The following EIF2B3 variants were observed in gnomAD, a reference collection of about 807,000 sequenced individuals.
EIF2B3 encodes the protein translation initiation factor eIF2B subunit gamma.
In EIF2B3, 20 loss-of-function variants were observed where a neutral mutation model predicts 54.1. That is an observed-to-expected ratio of 0.37 (90% CI 0.26 to 0.54). The LOEUF is 0.54. Among genes scored for constraint, EIF2B3 ranks in the 20% least tolerant of loss-of-function variants. The pLI, the probability that EIF2B3 is intolerant of heterozygous loss-of-function variation, is 0.86. For missense variants in EIF2B3, 448 were observed against 547.8 expected, an observed-to-expected ratio of 0.82 and a Z score of 1.82; for synonymous variants, 153 against 188.1, an observed-to-expected ratio of 0.81 and a Z score of 1.52.
chr1:44,860,444 C>G (rs1000321848), intron 10 of EIF2B3, among the ~76,000 whole-genome samples: 24 of 152,260 alleles, frequency 1.6e-4, no homozygotes, highest in African/African-American at 5.5e-4. Flanking sequence ...ATGTATTTAA[C>G]TAGAAGCAAA....
rs531896556 is a variant in EIF2B3 at position 44,979,463 on chromosome 1, C to T, written c.149-1003G>A. Among the ~76,000 whole-genome samples the T allele has an allele frequency of 4.8e-5, 7 of 145,200 alleles. No homozygotes were observed. The East Asian group carries it at 1.5e-3, about 31-fold the overall frequency. On this transcript the variant is annotated intron_variant, in intron 2 of 11. Transcript: ENST00000360403. The stretch of plus-strand genomic sequence containing the variant: ...ACCAGCCTGGGTAACGTGGCGAAAC[C>T]CTGTCTCTGCCAAAAAAAAAAAAAA...
intron 3 of EIF2B3, among the ~76,000 whole-genome samples, chr1:44,971,149 C>A (rs1390115553): frequency 6.6e-6 from 1 of 152,062 alleles, no homozygotes. Flanking sequence ...TTTGGGAGGC[C>A]GAGGCGGGCG....
intron 4 of EIF2B3, chr1:44,937,351 G>A (rs568145450): frequency 6.6e-6 from 1 of 152,120 alleles, no homozygotes; most frequent in African/African-American, 2.4e-5. Context: ...GCCAGGTGCT[G>A]GGAATAAAAT....
At chr1:44,926,773 A>C (rs769135301) in intron 4 of EIF2B3, 34 bp from the exon 5 acceptor site, 6 of 1,564,120 alleles carry the variant, frequency 3.8e-6, no homozygotes, top group African/African-American at 1.4e-5. Flanking sequence ...AAATCAAATA[A>C]AGCCATTTGC....
intron 3 of EIF2B3, among the ~76,000 whole-genome samples, chr1:44,971,260 G>A (rs1328803029): frequency 6.6e-6 from 1 of 151,828 alleles, no homozygotes; most frequent in Admixed American, 6.6e-5. Flanking sequence ...GCAGGCACCT[G>A]TAGTCCCAGC....
chr1:44,857,970 A>C (rs1249759304), intron 10 of EIF2B3, among the ~76,000 whole-genome samples, 163 bp from the exon 11 acceptor site: 13 of 152,094 alleles, frequency 8.5e-5, no homozygotes, highest in Non-Finnish European at 2.9e-5. Flanking sequence ...TGGTAAGCCA[A>C]GGGAGGACCT....
chr1:44,986,364 AC>A (rs1196640555), intron 1 of EIF2B3, 128 bp downstream of exon 1: 1 of 152,156 alleles, frequency 6.6e-6, no homozygotes, highest in African/African-American at 2.4e-5. Flanking sequence ...ACACAGCTAC[AC>A]CGGGTCGAGC....
At chr1:44,984,113 C>T (rs1012080280) in intron 1 of EIF2B3, among the ~76,000 whole-genome samples, 6 of 152,016 alleles carry the variant, frequency 3.9e-5, no homozygotes, top group African/African-American at 1.4e-4. Context: ...CGGGAGGCAG[C>T]AGCTGCAGTG....
At position 44,875,672 on chromosome 1, in the gene EIF2B3, G is replaced by C; in HGVS notation, c.999C>G (p.Leu333=). The C allele has an allele frequency of 6.2e-7, 1 of 1,614,206 alleles. No homozygotes were observed. Among genetic ancestry groups the C allele is most frequent in the South Asian group, 1.1e-5 (1 of 91,086 alleles). The change falls in exon 9 of 12, where the codon CTC becomes CTG. Residue 333 remains leucine (L), a synonymous_variant. Coordinates refer to ENST00000360403, the MANE Select transcript of EIF2B3 (RefSeq NM_020365.5). ...NRQVPKLLSA[L]CPEEPPVHSS... ...AATGGACTGGTGGTTCTTCTGGACAGAGAGCAGACAGCAATTTGGGCACCT... is the reference window on the plus strand; with the variant it reads ...AATGGACTGGTGGTTCTTCTGGACACAGAGCAGACAGCAATTTGGGCACCT...
chr1:44,880,023 C>T lies in EIF2B3; in HGVS notation c.785-15G>A, dbSNP rs1305724909. 4 of 1,613,482 alleles carry T rather than the reference C, an allele frequency of 2.5e-6. No homozygotes were observed. Among genetic ancestry groups the T allele is most frequent in the East Asian group, 2.2e-5 (1 of 44,878 alleles). ...ACTGTAGATATCTTCAGAACAAACA[C>T]CCAACCAAGGAAATAAATGAGAGAG... On this transcript the variant is annotated splice_polypyrimidine_tract_variant and intron_variant, in intron 7 of 11. Transcript: ENST00000360403.
chr1:44,891,424 G>A (rs1655794621), intron 6 of EIF2B3, among the ~76,000 whole-genome samples: 1 of 152,128 alleles, frequency 6.6e-6, no homozygotes, highest in Non-Finnish European at 1.5e-5. Context: ...ACCGCACCCA[G>A]CTGACAGAAT....
intron 11 of EIF2B3, 24 bp from the exon 12 acceptor site, chr1:44,851,027 T>G (rs1318914361): frequency 1.2e-6 from 2 of 1,612,280 alleles, no homozygotes; most frequent in East Asian, 4.5e-5. Context: ...GGAAAAAAGT[T>G]TTCTGAGAAC....
At chr1:44,887,640 T>A (rs1457674712) in intron 6 of EIF2B3, among the ~76,000 whole-genome samples, 2 of 152,230 alleles carry the variant, frequency 1.3e-5, no homozygotes, top group Non-Finnish European at 2.9e-5. Flanking sequence ...AATATTTTTA[T>A]TTAAAGACTT....
intron 6 of EIF2B3, among the ~76,000 whole-genome samples, chr1:44,884,154 T>A (rs986282936): frequency 2.0e-5 from 3 of 152,338 alleles, no homozygotes; most frequent in African/African-American, 2.4e-5. Flanking sequence ...TGGTAGTTTT[T>A]AAGCAAGAAA....
intron 3 of EIF2B3, among the ~76,000 whole-genome samples, chr1:44,957,826 G>C (rs1395796360): frequency 6.6e-6 from 1 of 152,098 alleles, no homozygotes; most frequent in East Asian, 1.9e-4. Flanking sequence ...TCACCAATTA[G>C]ACTGGTGAGT....
chr1:44,928,935 A>G (rs976021885), intron 4 of EIF2B3, among the ~76,000 whole-genome samples: 1 of 152,212 alleles, frequency 6.6e-6, no homozygotes, highest in Non-Finnish European at 1.5e-5. Flanking sequence ...CTAGGTATGA[A>G]TCCCAGCTCA....
At chr1:44,986,124 C>A (rs1347633853) in intron 1 of EIF2B3, among the ~76,000 whole-genome samples, 1 of 146,972 alleles carries the variant, frequency 6.8e-6, no homozygotes. Flanking sequence ...AACTTCGTTT[C>A]TTTCTTTTCT....
chr1:44,910,656 TTAA>T (rs1643496154), intron 5 of EIF2B3, among the ~76,000 whole-genome samples: 1 of 94,284 alleles, frequency 1.1e-5, no homozygotes, highest in Non-Finnish European at 2.2e-5. Flanking sequence ...TTTTTTTTTT[TTAA>T]AAGAGAGAAA....
chr1:44,909,643 A>G (rs2148921458), intron 5 of EIF2B3, among the ~76,000 whole-genome samples: 2 of 152,352 alleles, frequency 1.3e-5, no homozygotes, highest in Admixed American at 1.3e-4. Context: ...CAGCCATATC[A>G]TTTTATAGAA....
Sources: allele counts gnomAD v4.1 joint callset (sites outside exome capture counted in the v4.1 genomes callset), GRCh38; gene constraint gnomAD v4.1.1; transcripts MANE v1.5; gene names NCBI Gene and HGNC (gene_info 2026-07-23, HGNC 2026-07-21).